ODR4: variants seen among roughly 807,000 people sequenced by gnomAD.
ODR4 encodes the protein protein odr-4 homolog.
A neutral mutation model predicts 60.2 loss-of-function variants in ODR4; 47 were observed. The ratio of observed to expected loss-of-function variants is 0.78; its 90% confidence interval spans 0.62 to 1.00. ODR4 has a LOEUF of 1.00. Ranked by LOEUF, ODR4 falls within the 50% of genes least tolerant of loss-of-function variation. ODR4 has a pLI of 0.00. For synonymous variants in ODR4, 178 were observed against 175.5 expected, an observed-to-expected ratio of 1.01 and a Z score of -0.11; for missense variants, 488 against 530.8, an observed-to-expected ratio of 0.92 and a Z score of 0.79.
At chr1:186,404,019 T>G (rs910521375) in intron 11 of ODR4, among the ~76,000 whole-genome samples, 1 of 152,066 alleles carries the variant, frequency 6.6e-6, no homozygotes, top group Non-Finnish European at 1.5e-5. Context: ...TATCACCTAT[T>G]CTAAAAAAAA....
chr1:186,432,537 G>C, the ODR4 span, among the ~76,000 whole-genome samples: 1 of 152,036 alleles, frequency 6.6e-6, no homozygotes, highest in Non-Finnish European at 1.5e-5. Context: ...GTTAACTACT[G>C]TTCTGGTTTC....
At chr1:186,380,852 A>C (rs1659994079) in intron 2 of ODR4, among the ~76,000 whole-genome samples, 1 of 152,264 alleles carries the variant, frequency 6.6e-6, no homozygotes, top group Admixed American at 6.5e-5. Flanking sequence ...CACTGTCCAG[A>C]GGACTCAAGT....
Position 186,420,861 on chromosome 1 carries a change from T to C in ODR4, c.*1785T>C, listed in dbSNP as rs571632806. On this transcript the variant is annotated 3_prime_UTR_variant, in exon 14 of 14. Transcript: ENST00000287859. ...GAAAGATAACACAATTTTACAAATT[T>C]GTTGGAAAAACATGAATTCATAAAT... 2 of 152,290 alleles carry C rather than the reference T, an allele frequency of 1.3e-5. No homozygotes were observed. The highest frequency in any genetic ancestry group is 4.1e-4 in the South Asian group (2 of 4,832). 9.4% of individuals were successfully genotyped at this position (152,290 alleles called of 1,614,324 possible). A position where few individuals can be genotyped will look rare whatever the true frequency, so the allele number is the denominator to read the frequency against.
intron 11 of ODR4, chr1:186,400,973 G>A (rs1660919883): frequency 1.5e-5 from 22 of 1,452,464 alleles, no homozygotes; most frequent in Non-Finnish European, 2.0e-5. Flanking sequence ...CTCCTGTGGT[G>A]TAAATCATTG....
chr1:186,403,135 T>C (rs1036748165), intron 11 of ODR4, among the ~76,000 whole-genome samples: 1 of 152,302 alleles, frequency 6.6e-6, no homozygotes, highest in South Asian at 2.1e-4. Flanking sequence ...TTCAACACTT[T>C]AGTAACAGGA....
chr1:186,388,419 G>A (rs1660332320), intron 4 of ODR4, 23 bp from the exon 5 acceptor site: 1 of 1,313,168 alleles, frequency 7.6e-7, no homozygotes, highest in East Asian at 2.6e-5. Context: ...CATTCAATTA[G>A]TGTGTATTTT....
At chr1:186,431,656 G>T in the ODR4 span, among the ~76,000 whole-genome samples, 1 of 152,126 alleles carries the variant, frequency 6.6e-6, no homozygotes, top group Non-Finnish European at 1.5e-5. Context: ...ATAATCTGGG[G>T]TAAGGGATAG....
intron 12 of ODR4, among the ~76,000 whole-genome samples, chr1:186,408,016 C>T (rs1661233522): frequency 6.6e-6 from 1 of 152,090 alleles, no homozygotes; most frequent in Non-Finnish European, 1.5e-5. Context: ...CCTGACGAAG[C>T]TAATGCTCTA....
intron 8 of ODR4, among the ~76,000 whole-genome samples, chr1:186,393,390 T>C (rs1373727437): frequency 6.6e-6 from 1 of 152,226 alleles, no homozygotes; most frequent in African/African-American, 2.4e-5. Flanking sequence ...ACTGCTGACC[T>C]GCAACCAAAG....
At chr1:186,384,349 G>A (rs1352868291) in intron 3 of ODR4, among the ~76,000 whole-genome samples, 1 of 151,878 alleles carries the variant, frequency 6.6e-6, no homozygotes, top group African/African-American at 2.4e-5. Context: ...CTCATTCACT[G>A]CTCTGAGGAT....
chr1:186,399,990 C>CTTTTTTTTTTTTTT (rs948511178), intron 11 of ODR4, among the ~76,000 whole-genome samples: 10 of 112,032 alleles, frequency 8.9e-5, no homozygotes, highest in Non-Finnish European at 1.3e-4. Flanking sequence ...TTTTTTTTTT[C>CTTTTTTTTTTTTTT]TTTTTTTTTT....
At chr1:186,406,549 T>C (rs1205326141) in intron 12 of ODR4, among the ~76,000 whole-genome samples, 1 of 152,174 alleles carries the variant, frequency 6.6e-6, no homozygotes, top group Non-Finnish European at 1.5e-5. Flanking sequence ...ATTAAGTAGG[T>C]AAAATTACAA....
At chr1:186,425,351 A>G (rs1185143264), downstream of ODR4, among the ~76,000 whole-genome samples, 4 of 152,338 alleles carry the variant, frequency 2.6e-5, 1 homozygote, top group East Asian at 7.7e-4. Context: ...TGAGAGGTAC[A>G]TAGCAGTGAA....
chr1:186,399,199 TACTCAGA>T, intron 11 of ODR4, 155 bp downstream of exon 11: 1 of 665,930 alleles, frequency 1.5e-6, no homozygotes, highest in Non-Finnish European at 2.7e-6. Context: ...TTTCAGTTGC[TACTCAGA>T]TTTTTTTTTT....
the ODR4 span, among the ~76,000 whole-genome samples, chr1:186,432,509 T>A: frequency 6.6e-6 from 1 of 152,154 alleles, no homozygotes; most frequent in East Asian, 1.9e-4. Context: ...CCTGTGTTTT[T>A]TTGGGGGGTA....
At chr1:186,426,483 T>G in the ODR4 span, among the ~76,000 whole-genome samples, 1 of 152,178 alleles carries the variant, frequency 6.6e-6, no homozygotes, top group Non-Finnish European at 1.5e-5. Flanking sequence ...CACAGCATGG[T>G]GATTGAATTC....
chr1:186,399,990 CTT>C (rs948511178), intron 11 of ODR4, among the ~76,000 whole-genome samples: 3 of 112,032 alleles, frequency 2.7e-5, no homozygotes, highest in African/African-American at 7.1e-5. Flanking sequence ...TTTTTTTTTT[CTT>C]TTTTTTTTTT....
chr1:186,434,697 G>A, the ODR4 span, among the ~76,000 whole-genome samples: 1 of 152,148 alleles, frequency 6.6e-6, no homozygotes, highest in East Asian at 1.9e-4. Flanking sequence ...TAAATGTAAT[G>A]TAGAGCCATG....
rs1271929074 is a variant in ODR4 at position 186,419,956 on chromosome 1, G to A, written c.*880G>A. 6.6e-6 allele frequency: 1 copy of A among 152,078 alleles called. No individual in the cohort carries two copies. Among genetic ancestry groups the A allele is most frequent in the East Asian group, 1.9e-4 (1 of 5,172 alleles). The allele number at this position is 152,078 out of a possible 1,614,324, so 9.4% of individuals were successfully genotyped here. On this transcript the variant is annotated 3_prime_UTR_variant, in exon 14 of 14. Coordinates refer to ENST00000287859, the MANE Select transcript of ODR4 (RefSeq NM_017847.6). ...ATTAGTAAGAAATGACATAAAATAC[G>A]TGCTTTCTCAGGTTACTGTATAACT...
Sources: allele counts gnomAD v4.1 joint callset (sites outside exome capture counted in the v4.1 genomes callset), GRCh38; gene constraint gnomAD v4.1.1; transcripts MANE v1.5; gene names NCBI Gene and HGNC (gene_info 2026-07-23, HGNC 2026-07-21).